The following UBLCP1 variants were observed in gnomAD, a reference collection of about 807,000 sequenced individuals.
UBLCP1 encodes the protein ubiquitin-like domain-containing CTD phosphatase 1.
A neutral mutation model predicts 42.4 loss-of-function variants in UBLCP1; 28 were observed. That is an observed-to-expected ratio of 0.66 (90% CI 0.49 to 0.90). The LOEUF is 0.90. Among genes scored for constraint, UBLCP1 ranks in the 40% least tolerant of loss-of-function variants. The pLI, the probability that UBLCP1 is intolerant of heterozygous loss-of-function variation, is 0.00. For synonymous variants in UBLCP1, 122 were observed against 120.8 expected (o/e 1.01, Z -0.07); for missense variants, 279 against 374.5 (o/e 0.75, Z 2.10).
intron 9 of UBLCP1, among the ~76,000 whole-genome samples, chr5:159,279,570 T>A (rs1753582035): frequency 1.3e-5 from 2 of 152,232 alleles, no homozygotes; most frequent in African/African-American, 4.8e-5. Flanking sequence ...GTACATTTTT[T>A]AAACCTTTCT....
chr5:159,280,522 C>G lies in UBLCP1; in HGVS notation c.801+2168C>G, dbSNP rs147854057. ...TTCGCCATGTTGCCTAGGCTGGTCT[C>G]GAGGTCCTGCACTCAAGCGATCCAC... On this transcript the variant is annotated intron_variant, in intron 9 of 10. Coordinates refer to ENST00000296786, the MANE Select transcript of UBLCP1 (RefSeq NM_145049.5). 1.8e-4 allele frequency among the ~76,000 whole-genome samples: 27 copies of G among 152,288 alleles called. No individual in the cohort carries two copies. The East Asian group carries it at 5.0e-3, about 28-fold the overall frequency.
rs781433926 is a variant in UBLCP1, at chr5:159,270,381, C to T, written c.268C>T (p.Pro90Ser). 29 of 1,613,176 alleles carry T rather than the reference C, an allele frequency of 1.8e-5. No homozygotes were observed. The highest frequency in any genetic ancestry group is 2.3e-5 in the Non-Finnish European group (27 of 1,179,634). ...ATAGGAAGATGTCTTAGGTCCACCCCCTGACAATGATGATGTTGTTAATGA... is the reference window on the plus strand; with the variant it reads ...ATAGGAAGATGTCTTAGGTCCACCCTCTGACAATGATGATGTTGTTAATGA... ...ESLEDVLGPP[P>S]DNDDVVNDFD... is the part of the protein sequence containing the mutation. Residue 90 changes from proline (P) to serine (S), a missense_variant, in exon 4 of 11, where the codon CCT becomes TCT. Coordinates refer to ENST00000296786, the MANE Select transcript of UBLCP1 (RefSeq NM_145049.5).
chr5:159,268,301 G>A (rs1202394869), intron 1 of UBLCP1, among the ~76,000 whole-genome samples: 3 of 152,172 alleles, frequency 2.0e-5, no homozygotes, highest in Non-Finnish European at 2.9e-5. Flanking sequence ...TGTTTACTAG[G>A]TGCCAGGCAC....
intron 2 of UBLCP1, 147 bp downstream of exon 2, chr5:159,269,216 A>G: frequency 1.8e-6 from 1 of 563,776 alleles, no homozygotes; most frequent in Non-Finnish European, 2.7e-6. Flanking sequence ...TCTGGTAGAA[A>G]TATTCTTAAA....
At chr5:159,278,968 G>T (rs983835459) in intron 9 of UBLCP1, among the ~76,000 whole-genome samples, 2 of 152,118 alleles carry the variant, frequency 1.3e-5, no homozygotes. Context: ...ATTTTTTTAG[G>T]TATACAAATC....
chr5:159,268,960 A>C lies in UBLCP1; in HGVS notation c.45A>C (p.Ser15=). 1 of 1,612,212 alleles carries C rather than the reference A, an allele frequency of 6.2e-7. No homozygotes were observed. Among genetic ancestry groups the C allele is most frequent in the Non-Finnish European group, 8.5e-7 (1 of 1,179,294 alleles). Residue 15 remains serine (S), a synonymous_variant, in exon 2 of 11, where the codon TCA becomes TCC. Transcript: ENST00000296786. The part of the protein sequence containing the change: ...IIVKWGGQEY[S]VTTLSEDDTV... ...TAAAATGGGGTGGACAGGAGTATTC[A>C]GTGACCACACTTTCAGAAGATGATA...
intron 1 of UBLCP1, among the ~76,000 whole-genome samples, 198 bp from the exon 2 acceptor site, chr5:159,268,672 G>A (rs1753426752): frequency 1.3e-5 from 2 of 152,166 alleles, no homozygotes; most frequent in Non-Finnish European, 2.9e-5. Context: ...GTAACTCTAA[G>A]CCAAAAATTA....
chr5:159,273,367 T>C (rs952533426), intron 6 of UBLCP1, among the ~76,000 whole-genome samples: 2 of 152,188 alleles, frequency 1.3e-5, no homozygotes, highest in Admixed American at 1.3e-4. Flanking sequence ...TTTGTGGTAG[T>C]TCATTGAAAA....
intron 6 of UBLCP1, among the ~76,000 whole-genome samples, chr5:159,273,382 A>C (rs2113315249): frequency 6.6e-6 from 1 of 152,282 alleles, no homozygotes; most frequent in South Asian, 2.1e-4. Context: ...TGAAAAGAGT[A>C]CTTCACTTTG....
At chr5:159,277,144 A>G (rs1753549198) in intron 8 of UBLCP1, among the ~76,000 whole-genome samples, 1 of 151,360 alleles carries the variant, frequency 6.6e-6, no homozygotes. Context: ...TATTGTATTA[A>G]TTCTTATATA....
At chr5:159,280,806 T>C (rs982449590) in intron 9 of UBLCP1, among the ~76,000 whole-genome samples, 2 of 152,254 alleles carry the variant, frequency 1.3e-5, no homozygotes, top group Non-Finnish European at 2.9e-5. Context: ...AATATGAATT[T>C]AGAATTACAC....
chr5:159,278,367 TTTA>T lies in UBLCP1; in HGVS notation c.801+14_801+16del. The T allele has an allele frequency of 6.5e-7, 1 of 1,547,492 alleles. No individual in the cohort carries two copies. Among genetic ancestry groups the T allele is most frequent in the Non-Finnish European group, 8.9e-7 (1 of 1,119,424 alleles). On this transcript the variant is annotated intron_variant, in intron 9 of 10. Transcript: ENST00000296786. ...GAATGGACTAAAGGTAAGACATACTTTTACTTGTTATGTGCTCATGTAATCTGG... is the reference window on the plus strand; with the variant it reads ...GAATGGACTAAAGGTAAGACATACTTCTTGTTATGTGCTCATGTAATCTGG...
chr5:159,281,477 G>A (rs1024346536), intron 9 of UBLCP1, among the ~76,000 whole-genome samples: 1 of 152,102 alleles, frequency 6.6e-6, no homozygotes, highest in East Asian at 1.9e-4. Context: ...ACTGCTGCTC[G>A]GAAACAGCAC....
chr5:159,263,631 G>T (rs1450372944), intron 1 of UBLCP1, among the ~76,000 whole-genome samples: 2 of 152,166 alleles, frequency 1.3e-5, no homozygotes, highest in African/African-American at 2.4e-5. Flanking sequence ...TCTCAGGCTT[G>T]TCCATCCCTC....
intron 1 of UBLCP1, among the ~76,000 whole-genome samples, chr5:159,265,210 T>G (rs1354908563): frequency 6.6e-6 from 1 of 152,222 alleles, no homozygotes; most frequent in Admixed American, 6.5e-5. Context: ...AATTGGCCTT[T>G]TAGTAGGAGA....
chr5:159,284,665 G>A (rs992272418), intron 10 of UBLCP1, among the ~76,000 whole-genome samples: 1 of 152,090 alleles, frequency 6.6e-6, no homozygotes, highest in African/African-American at 2.4e-5. Flanking sequence ...TAACCTCTTT[G>A]TGCCTGTAAA....
At chr5:159,282,493 A>G (rs1260537246) in intron 9 of UBLCP1, among the ~76,000 whole-genome samples, 1 of 152,094 alleles carries the variant, frequency 6.6e-6, no homozygotes, top group Non-Finnish European at 1.5e-5. Flanking sequence ...TAGCACCGCC[A>G]CTCAAGTCAA....
chr5:159,282,316 AC>A (rs1470538890), intron 9 of UBLCP1, among the ~76,000 whole-genome samples: 98 of 152,150 alleles, frequency 6.4e-4, no homozygotes, highest in African/African-American at 2.3e-3. Context: ...AGTTCAACAA[AC>A]TGTAAAGATA....
chr5:159,279,486 T>G (rs1388953477), intron 9 of UBLCP1, among the ~76,000 whole-genome samples: 1 of 152,244 alleles, frequency 6.6e-6, no homozygotes, highest in African/African-American at 2.4e-5. Context: ...TGAGATGTTT[T>G]CATTCTCAGT....
Sources: allele counts gnomAD v4.1 joint callset (sites outside exome capture counted in the v4.1 genomes callset), GRCh38; gene constraint gnomAD v4.1.1; transcripts MANE v1.5; gene names NCBI Gene and HGNC (gene_info 2026-07-23, HGNC 2026-07-21).